PSMD12: variants seen among roughly 807,000 people sequenced by gnomAD.
PSMD12 encodes 26S proteasome non-ATPase regulatory subunit 12.
A neutral mutation model predicts 62.9 loss-of-function variants in PSMD12; 8 were observed. The observed-to-expected ratio is 0.13, with a 90% CI of 0.07 to 0.23. The LOEUF (loss-of-function observed/expected upper bound fraction) is 0.23. Among genes scored for constraint, PSMD12 ranks in the 10% least tolerant of loss-of-function variants. The probability of loss-of-function intolerance (pLI) is 1.00; values close to 1 mark genes in which losing one functional copy is unlikely to be tolerated. For missense variants in PSMD12, 424 were observed against 550.2 expected (o/e 0.77, Z 2.29); for synonymous variants, 173 against 187.4 (o/e 0.92, Z 0.63).
chr17:67,362,135 G>A (rs970475859), intron 1 of PSMD12, among the ~76,000 whole-genome samples: 1 of 152,090 alleles, frequency 6.6e-6, no homozygotes, highest in Admixed American at 6.6e-5. Context: ...AATGTAAGTA[G>A]TCCCCAAATA....
In PSMD12 at chr17:67,347,404, C is replaced by T; in HGVS notation, c.592G>A (p.Asp198Asn). The T allele has an allele frequency of 1.2e-6, 2 of 1,613,898 alleles. No individual in the cohort carries two copies. Among genetic ancestry groups the T allele is most frequent in the Non-Finnish European group, 8.5e-7 (1 of 1,179,930 alleles). The change falls in exon 6 of 11, where the codon GAT becomes AAT. Residue 198 changes from aspartate to asparagine, a missense_variant. Coordinates refer to ENST00000356126, the MANE Select transcript of PSMD12 (RefSeq NM_002816.5). Reference protein sequence around the residue: ...EQMRLCLAVKDYIRTQIISKK... With the variant: ...EQMRLCLAVKNYIRTQIISKK... ...CTGATGATTTGTGTTCGAATGTAATCCTTCACAGCTAGGCAGAGCCTCATT... is the reference window on the plus strand; with the variant it reads ...CTGATGATTTGTGTTCGAATGTAATTCTTCACAGCTAGGCAGAGCCTCATT...
chr17:67,347,592 C>T, intron 5 of PSMD12, 107 bp from the exon 6 acceptor site: 1 of 1,155,082 alleles, frequency 8.7e-7, no homozygotes, highest in Non-Finnish European at 1.2e-6. Context: ...TAATAAGAAC[C>T]TTCATGTATA....
intron 3 of PSMD12, among the ~76,000 whole-genome samples, chr17:67,351,435 G>A (rs962742581): frequency 9.5e-5 from 10 of 105,612 alleles, no homozygotes; most frequent in Non-Finnish European, 1.9e-4. Context: ...TAATAATTAG[G>A]ACCATGAGTC....
At chr17:67,347,046 T>C in intron 7 of PSMD12, 70 bp downstream of exon 7, 2 of 1,464,290 alleles carry the variant, frequency 1.4e-6, no homozygotes, top group South Asian at 1.3e-5. Flanking sequence ...GTTAAAAAGA[T>C]TTGAAAATAA....
chr17:67,345,922 A>C (rs2041960805), intron 7 of PSMD12, 65 bp from the exon 8 acceptor site: 1 of 1,403,114 alleles, frequency 7.1e-7, no homozygotes, highest in East Asian at 2.3e-5. Flanking sequence ...ACAAAAACTG[A>C]ACAATCATGG....
Position 67,338,010 on chromosome 17 carries a change from T to G in PSMD12, c.*2833A>C, listed in dbSNP as rs970211043. 1 of 152,206 alleles carries G rather than the reference T, an allele frequency of 6.6e-6. No homozygotes were observed. Among genetic ancestry groups the G allele is most frequent in the Non-Finnish European group, 1.5e-5 (1 of 68,036 alleles). 9.4% of individuals were successfully genotyped at this position (152,206 alleles called of 1,614,324 possible). ...GCTATATCCAAGAGCTGAAAACAAT[T>G]TAAAATATGTACTTTTATCACATTT... is the stretch of plus-strand genomic sequence containing the variant. On this transcript the variant is annotated 3_prime_UTR_variant, in exon 11 of 11. Transcript: ENST00000356126.
chr17:67,353,322 C>A (rs2042036183), intron 3 of PSMD12, among the ~76,000 whole-genome samples: 3 of 151,226 alleles, frequency 2.0e-5, no homozygotes, highest in African/African-American at 7.3e-5. Flanking sequence ...CCCGCTCCCT[C>A]TCTCTTTCTT....
At chr17:67,345,077 T>C (rs1035001287) in intron 8 of PSMD12, among the ~76,000 whole-genome samples, 4 of 152,232 alleles carry the variant, frequency 2.6e-5, no homozygotes, top group East Asian at 3.8e-4. Flanking sequence ...GTTGTGTTTA[T>C]GATGAAGCAA....
intron 3 of PSMD12, among the ~76,000 whole-genome samples, chr17:67,356,010 GCACA>G (rs1188491867): frequency 1.0e-5 from 1 of 100,338 alleles, no homozygotes; most frequent in Non-Finnish European, 2.2e-5. Flanking sequence ...ACACACACAC[GCACA>G]CACACACAAG....
Position 67,347,417 on chromosome 17 carries a change from G to A in PSMD12, c.579C>T (p.Cys193=), listed in dbSNP as rs1184614686. ...TTCGAATGTAATCCTTCACAGCTAG[G>A]CAGAGCCTCATTTGCTCCAAAATAA... The part of the protein sequence containing the change: ...VEFILEQMRL[C]LAVKDYIRTQ... Residue 193 remains cysteine, a synonymous_variant, in exon 6 of 11, where the codon TGC becomes TGT. Coordinates refer to ENST00000356126, the MANE Select transcript of PSMD12 (RefSeq NM_002816.5). 3.7e-6 allele frequency: 6 copies of A among 1,613,728 alleles called. No individual in the cohort carries two copies. Among genetic ancestry groups the A allele is most frequent in the African/African-American group, 1.3e-5 (1 of 74,888 alleles).
intron 4 of PSMD12, among the ~76,000 whole-genome samples, chr17:67,349,112 C>A (rs533715788): frequency 6.6e-6 from 1 of 152,312 alleles, no homozygotes; most frequent in East Asian, 1.9e-4. Flanking sequence ...CTCTACCTCC[C>A]GGGTTCAACT....
intron 10 of PSMD12, among the ~76,000 whole-genome samples, chr17:67,341,275 C>A (rs1358219512): frequency 6.6e-6 from 1 of 151,738 alleles, no homozygotes; most frequent in African/African-American, 2.4e-5. Flanking sequence ...TCAAGACCAG[C>A]CTGAGCAACA....
In PSMD12 at chr17:67,366,549, C is replaced by G. The variant is rs774009148; in HGVS notation, c.-30G>C. 2 of 1,572,560 alleles carry G rather than the reference C, an allele frequency of 1.3e-6. No individual in the cohort carries two copies. The highest frequency in any genetic ancestry group is 2.7e-5 in the African/African-American group (2 of 74,202). On this transcript the variant is annotated 5_prime_UTR_variant, in exon 1 of 11. Transcript: ENST00000356126. The stretch of plus-strand genomic sequence containing the variant: ...CCCGCCTGAGCGTCCCTTGCTGTCC[C>G]CCTGCTTCGGCCACCACTCGTCACC...
chr17:67,347,642 G>A (rs974375604), intron 5 of PSMD12, among the ~76,000 whole-genome samples, 157 bp from the exon 6 acceptor site: 6 of 152,010 alleles, frequency 3.9e-5, no homozygotes, highest in South Asian at 2.1e-4. Flanking sequence ...GCTAGTTACC[G>A]CTAGAAAATT....
rs138843584 is a variant in PSMD12 at position 67,345,988 on chromosome 17, G to A, written c.796-131C>T. On this transcript the variant is annotated intron_variant, in intron 7 of 10. Coordinates refer to ENST00000356126, the MANE Select transcript of PSMD12 (RefSeq NM_002816.5). ...GTCTTGGCCGGGCGCAGTGGCTCAC[G>A]TCTGTAATCCCAGCACTTTGGGAGG... 1.4e-3 allele frequency: 1,066 copies of A among 777,752 alleles called. 12 individuals are homozygous for A. In the East Asian group the frequency reaches 0.025, roughly 18 times the overall value. The allele number at this position is 777,752 out of a possible 1,614,324, so 48.2% of individuals were successfully genotyped here. A position where few individuals can be genotyped will look rare whatever the true frequency, so the allele number is the denominator to read the frequency against.
chr17:67,341,520 A>G (rs1012450985), intron 10 of PSMD12, among the ~76,000 whole-genome samples: 10 of 149,668 alleles, frequency 6.7e-5, no homozygotes, highest in African/African-American at 2.5e-4. Flanking sequence ...GACTTCCTAT[A>G]ATAAGTACTT....
chr17:67,348,473 ATAC>A, intron 5 of PSMD12, 74 bp downstream of exon 5: 1 of 1,170,012 alleles, frequency 8.5e-7, no homozygotes, highest in Non-Finnish European at 1.3e-6. Context: ...TGGATAAGGG[ATAC>A]TCAACCTATA....
rs1160809507 is a variant in PSMD12, at chr17:67,341,058, A to C, written c.1162-6T>G. On this transcript the variant is annotated splice_region_variant and splice_polypyrimidine_tract_variant and intron_variant, in intron 10 of 10. Coordinates refer to ENST00000356126, the MANE Select transcript of PSMD12 (RefSeq NM_002816.5). ...GAGAGAAAGGCTTCGGACTCCTGCA[A>C]GAGAGAAAGATAAATTGGATTAAGA... The C allele has an allele frequency of 3.3e-6, 5 of 1,530,266 alleles. No homozygotes were observed. The highest frequency in any genetic ancestry group is 4.4e-6 in the Non-Finnish European group (5 of 1,140,784). 94.8% of individuals were successfully genotyped at this position (1,530,266 alleles called of 1,614,324 possible). A position where few individuals can be genotyped will look rare whatever the true frequency, so the allele number is the denominator to read the frequency against.
intron 1 of PSMD12, among the ~76,000 whole-genome samples, chr17:67,357,791 A>T (rs1368667254): frequency 1.3e-5 from 2 of 152,226 alleles, no homozygotes; most frequent in African/African-American, 4.8e-5. Context: ...CTTGAAGCCC[A>T]TAAGCTATTT....
Sources: gnomAD v4.1 joint callset for allele counts (sites outside exome capture counted in the v4.1 genomes callset) on GRCh38, gnomAD v4.1.1 for gene constraint, MANE v1.5 for transcripts, NCBI Gene and HGNC (gene_info 2026-07-23, HGNC 2026-07-21) for gene names.